Variants in CDK9 observed in about 807,000 individuals in gnomAD.
CDK9 encodes cyclin-dependent kinase 9.
A neutral mutation model predicts 39.0 loss-of-function variants in CDK9; 34 were observed. The observed-to-expected ratio is 0.87, with a 90% CI of 0.66 to 1.16. CDK9 has a LOEUF of 1.16. CDK9 is among the 50% of genes most tolerant of loss of function. The probability of loss-of-function intolerance (pLI) is 0.00; values close to 1 mark genes in which losing one functional copy is unlikely to be tolerated. For missense variants in CDK9, 369 were observed against 503.2 expected (o/e 0.73, Z 2.55); for synonymous variants, 233 against 196.2 (o/e 1.19, Z -1.57).
chr9:127,788,118 G>GA lies in CDK9; in HGVS notation c.432+5_432+6insA. 1 of 1,614,168 alleles carries GA rather than the reference G, an allele frequency of 6.2e-7. No homozygotes were observed. Among genetic ancestry groups the GA allele is most frequent in the Non-Finnish European group, 8.5e-7 (1 of 1,180,004 alleles). ...TACTACATCCACAGAAACAAGGTGGGGGCCAGAGCTGGGAGGAGGACCCAG... is the reference window on the plus strand; with the variant it reads ...TACTACATCCACAGAAACAAGGTGGGAGGCCAGAGCTGGGAGGAGGACCCAG... On this transcript the variant is annotated splice_donor_region_variant and intron_variant, in intron 4 of 6. Coordinates refer to ENST00000373264, the MANE Select transcript of CDK9 (RefSeq NM_001261.4).
intron 1 of CDK9, among the ~76,000 whole-genome samples, 185 bp downstream of exon 1, chr9:127,786,425 C>T (rs980208876): frequency 2.6e-5 from 4 of 152,106 alleles, no homozygotes; most frequent in Non-Finnish European, 4.4e-5. Flanking sequence ...GAGCCTGAGG[C>T]CCGTGGTGGG....
Position 127,789,559 on chromosome 9 carries a change from A to G in CDK9, c.*16A>G. ...CGTCTTCTGAGGGCCGGCGCTTGCC[A>G]CTAGGGCTCTTGTGTTTTTTTTCTT... On this transcript the variant is annotated 3_prime_UTR_variant, in exon 7 of 7. Coordinates refer to ENST00000373264, the MANE Select transcript of CDK9 (RefSeq NM_001261.4). This position sits in a 1 kb window ranked among gnomAD's most constrained non-coding sequence, Gnocchi z 5.2. 4.4e-6 allele frequency: 7 copies of G among 1,607,246 alleles called. No individual in the cohort carries two copies. The highest frequency in any genetic ancestry group is 5.1e-6 in the Non-Finnish European group (6 of 1,175,794).
rs1461444748 is a variant in CDK9, at chr9:127,790,453, GGAGA to G, written c.*915_*918del. 1 of 152,456 alleles carries G rather than the reference GGAGA, an allele frequency of 6.6e-6. No individual in the cohort carries two copies. Among genetic ancestry groups the G allele is most frequent in the Non-Finnish European group, 1.5e-5 (1 of 68,206 alleles). The allele number at this position is 152,456 out of a possible 1,614,324, so 9.4% of individuals were successfully genotyped here. On this transcript the variant is annotated 3_prime_UTR_variant, in exon 7 of 7. Coordinates refer to ENST00000373264, the MANE Select transcript of CDK9 (RefSeq NM_001261.4). ...CTGGGTAGAGGGCCTGGGGCAGGCT[GGAGA>G]GAGAAAGTGGGCAGAGGGTGAAGGG...
In CDK9 at chr9:127,786,620, G is replaced by C; in HGVS notation, c.93-81G>C. The C allele has an allele frequency of 3.2e-6, 4 of 1,252,486 alleles. No homozygotes were observed. In the South Asian group the frequency reaches 5.2e-5, roughly 16 times the overall value. The allele number at this position is 1,252,486 out of a possible 1,614,324, so 77.6% of individuals were successfully genotyped here. The stretch of plus-strand genomic sequence containing the variant: ...CCCGCCCGGGAATCTCTTTGCTGCT[G>C]CCCCTCCTCCTGTAGTGGGGGAGGG... On this transcript the variant is annotated intron_variant, in intron 1 of 6. Transcript: ENST00000373264.
At position 127,788,024 on chromosome 9, in the gene CDK9, A is replaced by G. The variant is rs1257939333; in HGVS notation, c.343A>G (p.Ser115Gly). 1 of 1,614,102 alleles carries G rather than the reference A, an allele frequency of 6.2e-7. No homozygotes were observed. Among genetic ancestry groups the G allele is most frequent in the Non-Finnish European group, 8.5e-7 (1 of 1,180,018 alleles). ...CGAGCATGACCTTGCTGGGCTGTTGAGCAATGTTTTGGTCAAGTTCACGCT... is the reference window on the plus strand; with the variant it reads ...CGAGCATGACCTTGCTGGGCTGTTGGGCAATGTTTTGGTCAAGTTCACGCT... Reference protein sequence around the residue: ...FCEHDLAGLLSNVLVKFTLSE... With the variant: ...FCEHDLAGLLGNVLVKFTLSE... Residue 115 changes from serine to glycine, a missense_variant, in exon 4 of 7, where the codon AGC becomes GGC. Coordinates refer to ENST00000373264, the MANE Select transcript of CDK9 (RefSeq NM_001261.4).
intron 1 of CDK9, 95 bp downstream of exon 1, chr9:127,786,335 C>T: frequency 9.8e-7 from 1 of 1,022,362 alleles, no homozygotes. Context: ...GTAGAGAAGT[C>T]GTCTGTCCCC....
At position 127,788,596 on chromosome 9, in the gene CDK9, G is replaced by A; in HGVS notation, c.657G>A (p.Met219Ile). Residue 219 changes from methionine to isoleucine, a missense_variant, in exon 6 of 7, where the codon ATG (methionine) becomes ATA (isoleucine). Met to Ile is a conservative substitution (Grantham distance 10). Coordinates refer to ENST00000373264, the MANE Select transcript of CDK9 (RefSeq NM_001261.4). ...PIDLWGAGCIMAEMWTRSPIM... is the reference protein window; with the variant it reads ...PIDLWGAGCIIAEMWTRSPIM... ...ACCTGTGGGGTGCTGGGTGCATCATGGCAGAGATGTGGACCCGCAGCCCCA... is the reference window on the plus strand; with the variant it reads ...ACCTGTGGGGTGCTGGGTGCATCATAGCAGAGATGTGGACCCGCAGCCCCA... 6.3e-7 allele frequency: 1 copy of A among 1,595,150 alleles called. No individual in the cohort carries two copies. The highest frequency in any genetic ancestry group is 8.5e-7 in the Non-Finnish European group (1 of 1,171,640).
rs752475388 is a variant in CDK9 at position 127,788,399 on chromosome 9, A to G, written c.604+14A>G. ...AGCTGTTGCTCGGTGAGGACTCCCGAGCGGGCCAAGGGGGGTGAGGGCCAG... is the reference window on the plus strand; with the variant it reads ...AGCTGTTGCTCGGTGAGGACTCCCGGGCGGGCCAAGGGGGGTGAGGGCCAG... On this transcript the variant is annotated intron_variant, in intron 5 of 6. Coordinates refer to ENST00000373264, the MANE Select transcript of CDK9 (RefSeq NM_001261.4). The G allele has an allele frequency of 5.6e-6, 9 of 1,608,526 alleles. No individual in the cohort carries two copies. The highest frequency in any genetic ancestry group is 1.1e-5 in the South Asian group (1 of 90,698).
rs552379480 is a variant in CDK9 at position 127,788,492 on chromosome 9, C to T, written c.605-52C>T. ...AGCTGCCGGCCCTGGGGCATTGAGC[C>T]TCAGGAGGCCCTCGGGCTCAAGGGG... On this transcript the variant is annotated intron_variant, in intron 5 of 6. Transcript: ENST00000373264. 155 of 1,531,958 alleles carry T rather than the reference C, an allele frequency of 1.0e-4. 5 individuals are homozygous for T. The Admixed American group carries it at 2.5e-3, about 25-fold the overall frequency. The allele number at this position is 1,531,958 out of a possible 1,614,324, so 94.9% of individuals were successfully genotyped here.
At position 127,786,091 on chromosome 9, in the gene CDK9, C is replaced by G. The variant is rs763517666; in HGVS notation, c.-58C>G. The G allele has an allele frequency of 2.0e-5, 28 of 1,366,012 alleles. No homozygotes were observed. Among genetic ancestry groups the G allele is most frequent in the Middle Eastern group, 1.9e-4 (1 of 5,352 alleles). 84.6% of individuals were successfully genotyped at this position (1,366,012 alleles called of 1,614,324 possible). On this transcript the variant is annotated 5_prime_UTR_variant, in exon 1 of 7. Coordinates refer to ENST00000373264, the MANE Select transcript of CDK9 (RefSeq NM_001261.4). ...CCTGGAGTGCGGCGGCGGCGGGACC[C>G]GGAGCAGGAGCGGCGGCAGCAGCGA... is the stretch of plus-strand genomic sequence containing the variant.
downstream of CDK9, chr9:127,790,792 AT>A (rs771102394): frequency 3.6e-3 from 515 of 143,618 alleles, no homozygotes; most frequent in African/African-American, 6.5e-3. Flanking sequence ...AGAAAAAAAA[AT>A]TTTTTTTTTT....
In CDK9 at chr9:127,788,612, C is replaced by A. The variant is rs767418586; in HGVS notation, c.673C>A (p.Arg225Ser). 1 of 1,603,730 alleles carries A rather than the reference C, an allele frequency of 6.2e-7. No homozygotes were observed. The highest frequency in any genetic ancestry group is 2.2e-5 in the East Asian group (1 of 44,510). ...GTGCATCATGGCAGAGATGTGGACC[C>A]GCAGCCCCATCATGCAGGGCAACAC... ...AGCIMAEMWT[R>S]SPIMQGNTEQ... The change falls in exon 6 of 7, where the codon CGC becomes AGC. Residue 225 changes from arginine to serine, a missense_variant. Physicochemically the swap from Arg to Ser is moderately radical, Grantham distance 110 (BLOSUM62 -1). Coordinates refer to ENST00000373264, the MANE Select transcript of CDK9 (RefSeq NM_001261.4).
Position 127,786,698 on chromosome 9 carries a change from C to G in CDK9, c.93-3C>G. The G allele has an allele frequency of 6.2e-7, 1 of 1,613,186 alleles. No individual in the cohort carries two copies. On this transcript the variant is annotated splice_region_variant and splice_polypyrimidine_tract_variant and intron_variant, in intron 1 of 6. Coordinates refer to ENST00000373264, the MANE Select transcript of CDK9 (RefSeq NM_001261.4). ...GTTCTCGGGTCTCCCTTTCCGCCTGCAGGGAGGTGTTCAAGGCCAGGCACC... is the reference window on the plus strand; with the variant it reads ...GTTCTCGGGTCTCCCTTTCCGCCTGGAGGGAGGTGTTCAAGGCCAGGCACC...
In CDK9 at chr9:127,788,663, A is replaced by G. The variant is rs775012342; in HGVS notation, c.724A>G (p.Ser242Gly). The G allele has an allele frequency of 1.2e-6, 2 of 1,610,796 alleles. No individual in the cohort carries two copies. Among genetic ancestry groups the G allele is most frequent in the Admixed American group, 1.7e-5 (1 of 59,558 alleles). ...GGAGCAGCACCAACTCGCCCTCATC[A>G]GTCAGCTCTGCGGCTCCATCACCCC... Reference protein sequence around the residue: ...NTEQHQLALISQLCGSITPEV... With the variant: ...NTEQHQLALIGQLCGSITPEV... The change falls in exon 6 of 7, where the codon AGT (serine) becomes GGT (glycine). Residue 242 changes from serine (S) to glycine (G), a missense_variant. Coordinates refer to ENST00000373264, the MANE Select transcript of CDK9 (RefSeq NM_001261.4).
In CDK9 at chr9:127,789,828, C is replaced by G. The variant is rs1437439433; in HGVS notation, c.*285C>G. 2.4e-6 allele frequency: 1 copy of G among 422,490 alleles called. No homozygotes were observed. The highest frequency in any genetic ancestry group is 4.1e-5 in the Admixed American group (1 of 24,458). 26.2% of individuals were successfully genotyped at this position (422,490 alleles called of 1,614,324 possible). On this transcript the variant is annotated 3_prime_UTR_variant, in exon 7 of 7. Coordinates refer to ENST00000373264, the MANE Select transcript of CDK9 (RefSeq NM_001261.4). This position sits in a 1 kb window ranked among gnomAD's most constrained non-coding sequence, Gnocchi z 5.2. ...CACCAGTGACTTTTTCTAAGAGCTCCCGGCGTGGTGGAAGAGGGGACAGGT... is the reference window on the plus strand; with the variant it reads ...CACCAGTGACTTTTTCTAAGAGCTCGCGGCGTGGTGGAAGAGGGGACAGGT...
chr9:127,787,919 C>T (rs3217743), intron 3 of CDK9, 28 bp from the exon 4 acceptor site: 11 of 1,611,816 alleles, frequency 6.8e-6, no homozygotes, highest in South Asian at 5.5e-5. Context: ...GTTTTCTTGA[C>T]TTTTTCTTCT....
chr9:127,787,104 G>A (rs1370117274), intron 2 of CDK9, among the ~76,000 whole-genome samples: 1 of 152,124 alleles, frequency 6.6e-6, no homozygotes, highest in African/African-American at 2.4e-5. Context: ...TTTGAAAGGT[G>A]TCTGATACTC....
At chr9:127,786,970 C>G (rs1251247620) in intron 2 of CDK9, among the ~76,000 whole-genome samples, 188 bp downstream of exon 2, 1 of 152,122 alleles carries the variant, frequency 6.6e-6, no homozygotes, top group African/African-American at 2.4e-5. Flanking sequence ...ATGGGTGAGG[C>G]CAGGAGGGGG....
rs557627689 is a variant in CDK9, at chr9:127,789,897, G to C, written c.*354G>C. 1 of 277,326 alleles carries C rather than the reference G, an allele frequency of 3.6e-6. No individual in the cohort carries two copies. The highest frequency in any genetic ancestry group is 2.2e-5 in the African/African-American group (1 of 44,678). The allele number at this position is 277,326 out of a possible 1,614,324, so 17.2% of individuals were successfully genotyped here. A position where few individuals can be genotyped will look rare whatever the true frequency, so the allele number is the denominator to read the frequency against. ...CCTATTCTCGGGCTGAGAACCCTGC[G>C]TGGGGACAGGGCTCGCCTCAGGAAT... On this transcript the variant is annotated 3_prime_UTR_variant, in exon 7 of 7. Coordinates refer to ENST00000373264, the MANE Select transcript of CDK9 (RefSeq NM_001261.4). This position sits in a 1 kb window ranked among gnomAD's most constrained non-coding sequence, Gnocchi z 5.2.
Sources: gnomAD v4.1 joint callset for allele counts (sites outside exome capture counted in the v4.1 genomes callset) on GRCh38, gnomAD v4.1.1 for gene constraint, Gnocchi (gnomAD v3.1) non-coding constraint, MANE v1.5 for transcripts, NCBI Gene and HGNC (gene_info 2026-07-23, HGNC 2026-07-21) for gene names.